The following LRRC8A variants were observed in gnomAD, a reference collection of about 807,000 sequenced individuals.
The protein encoded by LRRC8A is volume-regulated anion channel subunit LRRC8A.
A neutral mutation model predicts 52.5 loss-of-function variants in LRRC8A; 24 were observed. The ratio of observed to expected loss-of-function variants is 0.46; its 90% CI spans 0.33 to 0.64. LRRC8A has a LOEUF of 0.64. LRRC8A is among the 30% of genes least tolerant of loss of function. The pLI, the probability that LRRC8A is intolerant of heterozygous loss-of-function variation, is 0.02. For missense variants in LRRC8A, 677 were observed against 1,094.7 expected, an observed-to-expected ratio of 0.62 and a Z score of 5.38; for synonymous variants, 492 against 494.2, an observed-to-expected ratio of 1.00 and a Z score of 0.06.
In LRRC8A at chr9:128,907,932, G is replaced by A; in HGVS notation, c.768G>A (p.Glu256=). ...AGAAGTTCCGGACCCATGTGGAGGA[G>A]GGGGACATTGTGTACCGCCTCTACA... ...KVKKFRTHVE[E]GDIVYRLYMR... Residue 256 remains glutamate (E), a synonymous_variant, in exon 3 of 4, where the codon GAG becomes GAA. Transcript: ENST00000372600. This position sits in a 1 kb window ranked among gnomAD's most constrained non-coding sequence, Gnocchi z 9.3. The A allele has an allele frequency of 6.2e-7, 1 of 1,614,114 alleles. No homozygotes were observed. Among genetic ancestry groups the A allele is most frequent in the Non-Finnish European group, 8.5e-7 (1 of 1,180,036 alleles).
At chr9:128,888,438 TG>T (rs1230074899) in intron 2 of LRRC8A, among the ~76,000 whole-genome samples, 2 of 152,114 alleles carry the variant, frequency 1.3e-5, no homozygotes, top group Non-Finnish European at 2.9e-5. Flanking sequence ...CAGCCCTTCC[TG>T]GGGATAGGAA....
chr9:128,903,968 C>T (rs915983113), intron 2 of LRRC8A, among the ~76,000 whole-genome samples: 33 of 151,930 alleles, frequency 2.2e-4, no homozygotes, highest in Admixed American at 2.2e-3. Context: ...GCAGAGGTTG[C>T]AGTGAGTCAG....
At chr9:128,897,306 T>C (rs1033059483) in intron 2 of LRRC8A, among the ~76,000 whole-genome samples, 1 of 151,326 alleles carries the variant, frequency 6.6e-6, no homozygotes, top group African/African-American at 2.4e-5. Context: ...TCCACCTCCC[T>C]GGCTCAAGCA....
chr9:128,904,262 T>C (rs1332996981), intron 2 of LRRC8A, among the ~76,000 whole-genome samples: 1 of 152,184 alleles, frequency 6.6e-6, no homozygotes, highest in Non-Finnish European at 1.5e-5. Flanking sequence ...CTCACACCTA[T>C]AATCCCAGCA....
chr9:128,915,866 G>A (rs1258390089), intron 3 of LRRC8A, among the ~76,000 whole-genome samples: 2 of 152,180 alleles, frequency 1.3e-5, no homozygotes, highest in African/African-American at 2.4e-5. Context: ...TGGGGACATG[G>A]GGGCCATGAG....
rs148574706 is a variant in LRRC8A, at chr9:128,899,282, T to G, written c.-8-7875T>G. On this transcript the variant is annotated intron_variant, in intron 2 of 3. Transcript: ENST00000372600. This position sits in a 1 kb window ranked among gnomAD's most constrained non-coding sequence, Gnocchi z 4.0. Reference sequence around the variant, plus strand: ...GCACAGGGAGGATAAGCAAGGGCACTTTCCGTAAGGCAGAGATAGCCCAGC... The same window carrying G: ...GCACAGGGAGGATAAGCAAGGGCACGTTCCGTAAGGCAGAGATAGCCCAGC... Among the ~76,000 whole-genome samples the G allele has an allele frequency of 2.6e-5, 4 of 152,222 alleles. No homozygotes were observed. Among genetic ancestry groups the G allele is most frequent in the Admixed American group, 1.3e-4 (2 of 15,280 alleles).
chr9:128,900,845 A>G (rs1321724792), intron 2 of LRRC8A, among the ~76,000 whole-genome samples: 1 of 152,118 alleles, frequency 6.6e-6, no homozygotes, highest in Non-Finnish European at 1.5e-5. Context: ...TGGGCAACAT[A>G]GCAAGACCCC....
intron 2 of LRRC8A, among the ~76,000 whole-genome samples, chr9:128,896,621 A>T (rs1049287597): frequency 1.3e-5 from 2 of 152,148 alleles, no homozygotes; most frequent in African/African-American, 4.8e-5. Flanking sequence ...TGAATTGCCT[A>T]TGCGTATATT....
intron 2 of LRRC8A, among the ~76,000 whole-genome samples, chr9:128,888,524 C>T (rs1159727977): frequency 6.6e-6 from 1 of 152,100 alleles, no homozygotes; most frequent in East Asian, 1.9e-4. Context: ...TTTTGGCATG[C>T]TCCTTTCAAG....
intron 2 of LRRC8A, among the ~76,000 whole-genome samples, chr9:128,888,879 T>C (rs1372970365): frequency 6.6e-6 from 1 of 152,100 alleles, no homozygotes; most frequent in East Asian, 1.9e-4. Flanking sequence ...CCTCCACAGA[T>C]GGTGCTCAGC....
intron 2 of LRRC8A, among the ~76,000 whole-genome samples, chr9:128,887,966 G>A (rs1161152826): frequency 6.6e-6 from 1 of 152,154 alleles, no homozygotes; most frequent in Non-Finnish European, 1.5e-5. Context: ...TCCCATGCAA[G>A]AGGTAGATAG....
intron 1 of LRRC8A, among the ~76,000 whole-genome samples, chr9:128,884,280 G>C (rs139331967): frequency 1.3e-5 from 2 of 152,170 alleles, no homozygotes; most frequent in African/African-American, 4.8e-5. Flanking sequence ...GCTGATTCCA[G>C]GTTTTCACAT....
Position 128,916,572 on chromosome 9 carries a change from C to G in LRRC8A, c.*201C>G, listed in dbSNP as rs982304379. ...GCCCCTTTTCTCCCTCTGAGACTCA[C>G]GTCCCCCAGGGCAAGTGCTTGTGGA... On this transcript the variant is annotated 3_prime_UTR_variant, in exon 4 of 4. Transcript: ENST00000372600. This position sits in a 1 kb window ranked among gnomAD's most constrained non-coding sequence, Gnocchi z 6.1. 1 of 649,550 alleles carries G rather than the reference C, an allele frequency of 1.5e-6. No homozygotes were observed. The highest frequency in any genetic ancestry group is 1.8e-5 in the African/African-American group (1 of 54,986). 40.2% of individuals were successfully genotyped at this position (649,550 alleles called of 1,614,324 possible).
At position 128,892,386 on chromosome 9, in the gene LRRC8A, A is replaced by T. The variant is rs1308689880; in HGVS notation, c.-9+6265A>T. Among the ~76,000 whole-genome samples, 1 of 152,140 alleles carries T rather than the reference A, an allele frequency of 6.6e-6. No homozygotes were observed. Among genetic ancestry groups the T allele is most frequent in the Admixed American group, 6.5e-5 (1 of 15,282 alleles). On this transcript the variant is annotated intron_variant, in intron 2 of 3. Coordinates refer to ENST00000372600, the MANE Select transcript of LRRC8A (RefSeq NM_019594.4). The surrounding 1 kb of genome is among the most constrained non-coding windows in gnomAD (Gnocchi z 5.2). The stretch of plus-strand genomic sequence containing the variant: ...CTCACCTGTTGCCTTTCACCCTAGA[A>T]GGCGGGCCACGCCCTTGCAAGTTGG...
chr9:128,910,656 C>CTTCA (rs1166260777), intron 3 of LRRC8A, among the ~76,000 whole-genome samples: 1 of 152,150 alleles, frequency 6.6e-6, no homozygotes, highest in East Asian at 1.9e-4. Context: ...TACCACTGTA[C>CTTCA]TTCAGCCTGG....
chr9:128,907,386 C>A lies in LRRC8A; in HGVS notation c.222C>A (p.Ala74=), dbSNP rs750570202. The A allele has an allele frequency of 2.5e-6, 4 of 1,613,446 alleles. No homozygotes were observed. The highest frequency in any genetic ancestry group is 2.7e-5 in the African/African-American group (2 of 74,938). ...SCNDSFRGWA[A]PGPEPTYPNS... ...ATGATTCGTTCCGGGGCTGGGCAGC[C>A]CCTGGCCCGGAGCCCACCTACCCCA... The change falls in exon 3 of 4, where the codon GCC becomes GCA. Residue 74 remains alanine (A), a synonymous_variant. Transcript: ENST00000372600. The surrounding 1 kb of genome is among the most constrained non-coding windows in gnomAD (Gnocchi z 9.3).
At position 128,882,890 on chromosome 9, in the gene LRRC8A, C is replaced by T. The variant is rs1839153839; in HGVS notation, c.-116+640C>T. On this transcript the variant is annotated intron_variant, in intron 1 of 3. Coordinates refer to ENST00000372600, the MANE Select transcript of LRRC8A (RefSeq NM_019594.4). ...GGGCGAGGCGAGATCCAGTGAGGTC[C>T]AGGCCTGGTGCAGCCCTAGGTGAGC... The T allele has an allele frequency of 2.5e-5, 10 of 398,130 alleles. No individual in the cohort carries two copies. The South Asian group carries it at 1.1e-3, about 42-fold the overall frequency. 24.7% of individuals were successfully genotyped at this position (398,130 alleles called of 1,614,324 possible). A position where few individuals can be genotyped will look rare whatever the true frequency, so the allele number is the denominator to read the frequency against.
intron 2 of LRRC8A, among the ~76,000 whole-genome samples, chr9:128,905,978 C>T (rs1840231058): frequency 6.6e-6 from 1 of 152,218 alleles, no homozygotes; most frequent in Admixed American, 6.5e-5. Flanking sequence ...ACATTAAGGC[C>T]TCTCTGTGAT....
rs374815520 is a variant in LRRC8A, at chr9:128,909,075, C to T, written c.1911C>T (p.His637=). The T allele has an allele frequency of 1.5e-5, 25 of 1,614,032 alleles. No homozygotes were observed. The highest frequency in any genetic ancestry group is 2.1e-5 in the Non-Finnish European group (25 of 1,180,036). ...KTIEEIISFQ[H]LHRLTCLKLW... ...TCGAGGAGATCATCAGCTTCCAGCA[C>T]CTGCACCGCCTCACCTGCCTTAAGC... is the stretch of plus-strand genomic sequence containing the variant. Residue 637 remains histidine (H), a synonymous_variant, in exon 3 of 4, where the codon CAC becomes CAT. Coordinates refer to ENST00000372600, the MANE Select transcript of LRRC8A (RefSeq NM_019594.4).
Sources: allele counts gnomAD v4.1 joint callset (sites outside exome capture counted in the v4.1 genomes callset), GRCh38; gene constraint gnomAD v4.1.1; non-coding constraint Gnocchi (gnomAD v3.1); transcripts MANE v1.5; gene names NCBI Gene and HGNC (gene_info 2026-07-23, HGNC 2026-07-21).